Variants in STK32A observed in about 807,000 individuals in gnomAD.
STK32A encodes the protein serine/threonine kinase 32A, also known as serine/threonine-protein kinase 32A.
In STK32A, 41 loss-of-function variants were observed where a neutral mutation model predicts 53.2. The observed-to-expected ratio is 0.77, with a 90% CI of 0.60 to 1.00. The LOEUF (loss-of-function observed/expected upper bound fraction) is 1.00. Ranked by LOEUF, STK32A falls within the 50% of genes least tolerant of loss-of-function variation. The pLI is 0.00. For missense variants in STK32A, 458 were observed against 485.8 expected (o/e 0.94, Z 0.54); for synonymous variants, 166 against 162.8 (o/e 1.02, Z -0.15).
At chr5:147,347,651 C>G (rs866500871) in intron 6 of STK32A, among the ~76,000 whole-genome samples, 1 of 152,186 alleles carries the variant, frequency 6.6e-6, no homozygotes, top group African/African-American at 2.4e-5. Flanking sequence ...TGCTCTAAGG[C>G]TCACTCAAGG....
At chr5:147,308,970 A>T (rs1437023687) in intron 4 of STK32A, among the ~76,000 whole-genome samples, 6 of 150,584 alleles carry the variant, frequency 4.0e-5, no homozygotes, top group African/African-American at 1.5e-4. Context: ...TATGTTATTT[A>T]TTATTTATAA....
chr5:147,374,287 A>AG, intron 10 of STK32A, among the ~76,000 whole-genome samples: 1 of 60,356 alleles, frequency 1.7e-5, no homozygotes, highest in South Asian at 4.8e-4. Context: ...ACCCTGTCTC[A>AG]AAAAAAAAAA....
chr5:147,265,068 GAT>G (rs1201292685), intron 2 of STK32A, among the ~76,000 whole-genome samples: 2 of 146,582 alleles, frequency 1.4e-5, no homozygotes, highest in Admixed American at 6.9e-5. Context: ...TTTTTATACT[GAT>G]AGCATATTCG....
intron 8 of STK32A, among the ~76,000 whole-genome samples, chr5:147,367,118 T>G (rs932258414): frequency 3.3e-5 from 5 of 151,730 alleles, no homozygotes; most frequent in Non-Finnish European, 7.4e-5. Flanking sequence ...CAGGCTGGAG[T>G]GCAATGGCCC....
chr5:147,316,859 G>GAAA (rs35058586), intron 4 of STK32A, among the ~76,000 whole-genome samples: 61 of 61,248 alleles, frequency 1.0e-3, no homozygotes, highest in Non-Finnish European at 1.2e-3. Flanking sequence ...TGTTTCTGGC[G>GAAA]AAAAAAAAAA....
chr5:147,378,815 G>A (rs1581156346), intron 11 of STK32A, among the ~76,000 whole-genome samples: 3 of 111,640 alleles, frequency 2.7e-5, no homozygotes, highest in South Asian at 3.3e-4. Context: ...GTCAGGTAGT[G>A]TAGTAGTGTA....
At chr5:147,279,033 T>C (rs926840841) in intron 3 of STK32A, among the ~76,000 whole-genome samples, 7 of 152,270 alleles carry the variant, frequency 4.6e-5, no homozygotes, top group Middle Eastern at 3.4e-3. Context: ...GGCAAAATTG[T>C]TTGAGAAAAA....
intron 8 of STK32A, among the ~76,000 whole-genome samples, chr5:147,363,448 G>A (rs1756604929): frequency 6.6e-6 from 1 of 152,160 alleles, no homozygotes. Context: ...CAGCTCTGTT[G>A]AGTGGTGGTC....
At chr5:147,252,573 T>G (rs935875324) in intron 2 of STK32A, among the ~76,000 whole-genome samples, 7 of 152,300 alleles carry the variant, frequency 4.6e-5, no homozygotes, top group African/African-American at 1.7e-4. Context: ...AAATGCGTAT[T>G]TAAATGCATA....
At chr5:147,363,429 C>G (rs1756604336) in intron 8 of STK32A, among the ~76,000 whole-genome samples, 1 of 152,164 alleles carries the variant, frequency 6.6e-6, no homozygotes, top group Non-Finnish European at 1.5e-5. Context: ...TGTGAAGGCT[C>G]TGTCTACACA....
intron 5 of STK32A, among the ~76,000 whole-genome samples, chr5:147,331,688 G>T (rs1047942433): frequency 1.7e-4 from 26 of 152,200 alleles, no homozygotes; most frequent in African/African-American, 6.0e-4. Context: ...GGCCATTAGT[G>T]TAGGCCCTAA....
rs113055761 is a variant in STK32A, at chr5:147,244,989, G to A, written c.52+5303G>A. Among the ~76,000 whole-genome samples the A allele has an allele frequency of 6.4e-3, 980 of 152,264 alleles. 9 individuals carry two copies. The highest frequency in any genetic ancestry group is 0.022 in the African/African-American group (904 of 41,554). On this transcript the variant is annotated intron_variant, in intron 2 of 12. Transcript: ENST00000397936. ...AAAATTAATTAAATGCAACTCTGTCGATTCCACAGTTAATTAGACCTATTC... is the reference window on the plus strand; with the variant it reads ...AAAATTAATTAAATGCAACTCTGTCAATTCCACAGTTAATTAGACCTATTC...
intron 8 of STK32A, among the ~76,000 whole-genome samples, chr5:147,368,537 T>G (rs908612804): frequency 5.9e-5 from 9 of 152,182 alleles, no homozygotes; most frequent in Admixed American, 1.3e-4. Context: ...AGAAACCATA[T>G]GTGTCTTGTT....
intron 6 of STK32A, chr5:147,348,584 T>C (rs62377744): frequency 0.13 from 92,060 of 705,394 alleles, 6,805 homozygotes; most frequent in South Asian, 0.17. Flanking sequence ...TACATGAGCA[T>C]ACATAATCTT....
At chr5:147,381,120 A>G (rs1254794378) in intron 11 of STK32A, among the ~76,000 whole-genome samples, 1 of 152,044 alleles carries the variant, frequency 6.6e-6, no homozygotes, top group East Asian at 1.9e-4. Flanking sequence ...CTCCACTTTT[A>G]TCTGGAAACA....
chr5:147,344,244 T>C (rs565746231), intron 6 of STK32A, among the ~76,000 whole-genome samples: 1 of 152,218 alleles, frequency 6.6e-6, no homozygotes, highest in Non-Finnish European at 1.5e-5. Flanking sequence ...TTGAGCCTGA[T>C]TTTCCTGATC....
downstream of STK32A, chr5:147,392,308 G>A (rs1326765463): frequency 6.6e-6 from 1 of 152,182 alleles, no homozygotes; most frequent in Non-Finnish European, 1.5e-5. Context: ...TTGAACAGAA[G>A]GTAGCTTGCT....
chr5:147,366,369 T>G lies in STK32A; in HGVS notation c.661-4285T>G, dbSNP rs542067897. 4.6e-5 allele frequency among the ~76,000 whole-genome samples: 7 copies of G among 152,320 alleles called. No individual in the cohort carries two copies. The East Asian group carries it at 1.4e-3, about 29-fold the overall frequency. ...AAATGAAGTTTTAATAAAGGATATA[T>G]CTTCATTGCAGGGCTTTTCAAAATC... is the stretch of plus-strand genomic sequence containing the variant. On this transcript the variant is annotated intron_variant, in intron 8 of 12. Transcript: ENST00000397936.
intron 5 of STK32A, among the ~76,000 whole-genome samples, chr5:147,340,106 G>A (rs575635482): frequency 6.6e-6 from 1 of 152,328 alleles, no homozygotes; most frequent in African/African-American, 2.4e-5. Flanking sequence ...GCATGCTCAT[G>A]TATTATAATT....
Sources: allele counts gnomAD v4.1 joint callset (sites outside exome capture counted in the v4.1 genomes callset), GRCh38; gene constraint gnomAD v4.1.1; transcripts MANE v1.5; gene names NCBI Gene and HGNC (gene_info 2026-07-23, HGNC 2026-07-21).